Variants in ZDHHC6 observed in about 807,000 individuals in gnomAD.
ZDHHC6 encodes the protein palmitoyltransferase ZDHHC6.
ZDHHC6 carries 32 observed loss-of-function variants against 57.8 expected under a neutral mutation model. That is an observed-to-expected ratio of 0.55 (90% CI 0.42 to 0.74). ZDHHC6 has a LOEUF of 0.74. Ranked by LOEUF, ZDHHC6 falls within the 30% of genes least tolerant of loss-of-function variation. ZDHHC6 has a pLI of 0.00. For synonymous variants in ZDHHC6, 128 were observed against 158.0 expected (o/e 0.81, Z 1.42); for missense variants, 433 against 500.7 (o/e 0.86, Z 1.29).
chr10:112,434,804 TATATAGAAGGGATGCAG>T (rs1300217692), intron 6 of ZDHHC6, among the ~76,000 whole-genome samples: 1 of 152,140 alleles, frequency 6.6e-6, no homozygotes, highest in African/African-American at 2.4e-5. Flanking sequence ...ACAATTCAGG[TATATAGAAGGGATGCAG>T]ATAAACAGAT....
chr10:112,438,995 T>A (rs1845812206), intron 5 of ZDHHC6, among the ~76,000 whole-genome samples: 1 of 152,228 alleles, frequency 6.6e-6, no homozygotes, highest in African/African-American at 2.4e-5. Context: ...TTCAAAGAAT[T>A]TGGTCCCAGG....
intron 5 of ZDHHC6, among the ~76,000 whole-genome samples, chr10:112,439,630 A>T (rs1845901441): frequency 4.7e-5 from 1 of 21,208 alleles, no homozygotes; most frequent in African/African-American, 1.1e-4. Flanking sequence ...ACTCCGTCTA[A>T]AAAAAAAAAA....
At chr10:112,445,061 C>A in intron 2 of ZDHHC6, 109 bp downstream of exon 2, 1 of 1,276,858 alleles carries the variant, frequency 7.8e-7, no homozygotes. Flanking sequence ...TACTTAGTCT[C>A]TGTGAGGACA....
At chr10:112,426,394 A>T, downstream of ZDHHC6, 1 of 1,572,194 alleles carries the variant, frequency 6.4e-7, no homozygotes, top group Non-Finnish European at 8.8e-7. Context: ...ATGCACACCC[A>T]TGGGCCCATC....
chr10:112,447,024 G>T, upstream of ZDHHC6: 1 of 283,994 alleles, frequency 3.5e-6, no homozygotes, highest in South Asian at 6.4e-5. Context: ...TGGATCCGGA[G>T]CCGATTCCCA....
chr10:112,445,819 A>G (rs1846607599), intron 1 of ZDHHC6, among the ~76,000 whole-genome samples, 169 bp from the exon 2 acceptor site: 1 of 152,256 alleles, frequency 6.6e-6, no homozygotes. Context: ...CTTTTGACTT[A>G]TCCAAAATAT....
chr10:112,433,194 G>A, intron 8 of ZDHHC6, 46 bp downstream of exon 8: 1 of 1,508,528 alleles, frequency 6.6e-7, no homozygotes, highest in Non-Finnish European at 8.9e-7. Context: ...GAAGTACAGA[G>A]CCTAACAAAA....
At chr10:112,425,482 G>T (rs1435610471), downstream of ZDHHC6, 9 of 1,600,712 alleles carry the variant, frequency 5.6e-6, no homozygotes, top group Admixed American at 1.7e-5. Context: ...GAGCTTACGG[G>T]TAATATATCA....
downstream of ZDHHC6, chr10:112,427,354 A>C: frequency 6.2e-7 from 1 of 1,612,144 alleles, no homozygotes; most frequent in Non-Finnish European, 8.5e-7. Flanking sequence ...CACATCCAGG[A>C]TTAGGATAAG....
chr10:112,427,369 T>G (rs1250544782), downstream of ZDHHC6: 1 of 1,606,072 alleles, frequency 6.2e-7, no homozygotes. Context: ...GATAAGGTAC[T>G]TAAGTACCTG....
At chr10:112,427,378 T>C, downstream of ZDHHC6, 1 of 1,602,490 alleles carries the variant, frequency 6.2e-7, no homozygotes, top group Non-Finnish European at 8.5e-7. Flanking sequence ...CTTAAGTACC[T>C]GCCGGCCCAC....
intron 7 of ZDHHC6, among the ~76,000 whole-genome samples, chr10:112,434,037 G>A (rs561778529): frequency 6.6e-6 from 1 of 152,228 alleles, no homozygotes; most frequent in East Asian, 1.9e-4. Context: ...ACTGTAAGTT[G>A]GAAGGTAATT....
At chr10:112,439,608 T>C (rs7901345) in intron 5 of ZDHHC6, among the ~76,000 whole-genome samples, 131,084 of 135,446 alleles carry the variant, frequency 0.97, 63,572 homozygotes, top group Middle Eastern at 1. Flanking sequence ...CTAGCCTGGG[T>C]GACAGAGTGA....
downstream of ZDHHC6, chr10:112,426,391 C>T: frequency 1.9e-6 from 3 of 1,569,860 alleles, 1 homozygote; most frequent in South Asian, 3.3e-5. Flanking sequence ...TTTATGCACA[C>T]CCATGGGCCC....
At chr10:112,426,899 A>C, downstream of ZDHHC6, 1 of 1,511,720 alleles carries the variant, frequency 6.6e-7, no homozygotes, top group Non-Finnish European at 9.2e-7. Flanking sequence ...CTCTTGTCAG[A>C]AAGTTTTGTT....
intron 8 of ZDHHC6, 21 bp downstream of exon 8, chr10:112,433,219 C>A: frequency 6.4e-7 from 1 of 1,557,110 alleles, no homozygotes; most frequent in Non-Finnish European, 8.6e-7. Flanking sequence ...AAAAAATTAC[C>A]ACTGCAAAAG....
At chr10:112,439,467 C>T (rs1845867094) in intron 5 of ZDHHC6, among the ~76,000 whole-genome samples, 2 of 151,390 alleles carry the variant, frequency 1.3e-5, no homozygotes, top group Admixed American at 1.3e-4. Context: ...CCCGTCTCCA[C>T]TAAAAACACA....
At chr10:112,447,092 T>C (rs1370554091), upstream of ZDHHC6, 1 of 454,468 alleles carries the variant, frequency 2.2e-6, no homozygotes, top group African/African-American at 1.9e-5. Context: ...CATATTTTCA[T>C]ACGCTTTTCT....
At chr10:112,445,739 C>G in intron 1 of ZDHHC6, 89 bp from the exon 2 acceptor site, 1 of 474,352 alleles carries the variant, frequency 2.1e-6, no homozygotes, top group East Asian at 3.0e-5. Flanking sequence ...CAATAAACAC[C>G]TACACAACAG....
Sources: allele counts gnomAD v4.1 joint callset (sites outside exome capture counted in the v4.1 genomes callset), GRCh38; gene constraint gnomAD v4.1.1; transcripts MANE v1.5; gene names NCBI Gene and HGNC (gene_info 2026-07-23, HGNC 2026-07-21).